The following RFTN2 variants were observed in gnomAD, a reference collection of about 807,000 sequenced individuals.
The protein encoded by RFTN2 is raftlin-2.
A neutral mutation model predicts 52.7 loss-of-function variants in RFTN2; 34 were observed. That is an observed-to-expected ratio of 0.64 (90% confidence interval 0.49 to 0.86). The LOEUF (loss-of-function observed/expected upper bound fraction) is 0.86, where lower values mean the gene tolerates loss of function less well. Among genes scored for constraint, RFTN2 ranks in the 40% least tolerant of loss-of-function variants. The pLI is 0.00. For synonymous variants in RFTN2, 203 were observed against 217.7 expected (o/e 0.93, Z 0.59); for missense variants, 536 against 600.1 (o/e 0.89, Z 1.12).
intron 1 of RFTN2, among the ~76,000 whole-genome samples, chr2:197,666,472 C>A (rs1047115518): frequency 1.3e-5 from 2 of 152,188 alleles, no homozygotes; most frequent in Non-Finnish European, 2.9e-5. Flanking sequence ...TCCATTCTCT[C>A]CTGGCCTGTA....
intron 8 of RFTN2, among the ~76,000 whole-genome samples, chr2:197,589,906 G>T (rs775584799): frequency 5.9e-5 from 9 of 151,856 alleles, no homozygotes; most frequent in African/African-American, 2.4e-5. Flanking sequence ...TTGGTCTTAT[G>T]TCTAAAAACT....
chr2:197,627,984 A>G lies in RFTN2; in HGVS notation c.928+3027T>C, dbSNP rs540927491. 2.7e-5 allele frequency among the ~76,000 whole-genome samples: 4 copies of G among 146,868 alleles called. No homozygotes were observed. In the East Asian group the frequency reaches 8.0e-4, roughly 30 times the overall value. ...GTCTGGTTTTGTTCTTCCATTCCTC[A>G]TGGTGGGCTAACTTCTGACAATATT... On this transcript the variant is annotated intron_variant, in intron 5 of 8. Coordinates refer to ENST00000295049, the MANE Select transcript of RFTN2 (RefSeq NM_144629.3).
In RFTN2 at chr2:197,634,510, C is replaced by T. The variant is rs2088526749; in HGVS notation, c.439-513G>A. On this transcript the variant is annotated intron_variant, in intron 3 of 8. Transcript: ENST00000295049. ...GAATGTGTAGGTATAAAGCACAAGC[C>T]CAATTTATACCACTACTCTTACAAA... 4.6e-5 allele frequency among the ~76,000 whole-genome samples: 7 copies of T among 151,722 alleles called. No homozygotes were observed. In the South Asian group the frequency reaches 1.5e-3, roughly 32 times the overall value.
In RFTN2 at chr2:197,568,380, C is replaced by T. The variant is rs771707693; in HGVS notation, c.*3628G>A. 3 of 152,336 alleles carry T rather than the reference C, an allele frequency of 2.0e-5. No homozygotes were observed. In the East Asian group the frequency reaches 5.8e-4, roughly 29 times the overall value. 9.4% of individuals were successfully genotyped at this position (152,336 alleles called of 1,614,324 possible). ...GAACCTCATCAAAACTGAGGCTCAT[C>T]ATTTTACAGTTTTGCCTAATTTTCT... On this transcript the variant is annotated 3_prime_UTR_variant, in exon 9 of 9. Coordinates refer to ENST00000295049, the MANE Select transcript of RFTN2 (RefSeq NM_144629.3).
chr2:197,615,836 T>C lies in RFTN2; in HGVS notation c.1154+40A>G, dbSNP rs762496015. On this transcript the variant is annotated intron_variant, in intron 7 of 8. Transcript: ENST00000295049. ...CTATCTAACAGATGAAGTTATATAT[T>C]AGAATTAAATGATAGTATGTAAGGA... is the stretch of plus-strand genomic sequence containing the variant. 7.9e-6 allele frequency: 8 copies of C among 1,009,086 alleles called. No homozygotes were observed. The South Asian group carries it at 1.1e-4, about 14-fold the overall frequency. The allele number at this position is 1,009,086 out of a possible 1,614,324, so 62.5% of individuals were successfully genotyped here.
intron 1 of RFTN2, among the ~76,000 whole-genome samples, chr2:197,667,532 G>T (rs1333168091): frequency 6.6e-6 from 1 of 152,100 alleles, no homozygotes; most frequent in African/African-American, 2.4e-5. Context: ...TTCATATGTT[G>T]ATATCTATGC....
intron 5 of RFTN2, among the ~76,000 whole-genome samples, chr2:197,618,814 C>A (rs1274441017): frequency 6.7e-6 from 1 of 148,856 alleles, no homozygotes; most frequent in Admixed American, 6.7e-5. Flanking sequence ...GCCTGGCAAC[C>A]GCCCCGTCTG....
chr2:197,572,410 CT>C (rs1158433449), intron 8 of RFTN2, 130 bp from the exon 9 acceptor site: 9 of 823,316 alleles, frequency 1.1e-5, no homozygotes, highest in Middle Eastern at 3.7e-4. Context: ...TCCTGCTCAT[CT>C]TCAACGACCA....
At chr2:197,596,093 A>T in intron 7 of RFTN2, 24 bp from the exon 8 acceptor site, 1 of 1,389,150 alleles carries the variant, frequency 7.2e-7, no homozygotes. Context: ...CAATAGTATT[A>T]GTATTTGTGA....
At chr2:197,583,188 C>A (rs557256566) in intron 8 of RFTN2, among the ~76,000 whole-genome samples, 1 of 152,176 alleles carries the variant, frequency 6.6e-6, no homozygotes, top group South Asian at 2.1e-4. Flanking sequence ...TATTCTACTA[C>A]CCCTCAGGGA....
chr2:197,605,474 C>CAA (rs909010431), intron 7 of RFTN2, among the ~76,000 whole-genome samples: 13 of 152,164 alleles, frequency 8.5e-5, no homozygotes, highest in Non-Finnish European at 1.8e-4. Context: ...CTTGGCCTCC[C>CAA]AAAGTGCTGA....
At chr2:197,654,162 C>T (rs141872103) in intron 1 of RFTN2, among the ~76,000 whole-genome samples, 1,811 of 151,820 alleles carry the variant, frequency 0.012, 44 homozygotes, top group African/African-American at 0.041. Flanking sequence ...CTGAGGTGGG[C>T]GGATCACTTG....
chr2:197,605,907 T>G (rs765613888), intron 7 of RFTN2, among the ~76,000 whole-genome samples: 6 of 152,204 alleles, frequency 3.9e-5, no homozygotes, highest in Non-Finnish European at 8.8e-5. Flanking sequence ...TCAGACATCA[T>G]GAGCTTCACA....
At chr2:197,627,482 G>A (rs1321839762) in intron 5 of RFTN2, among the ~76,000 whole-genome samples, 2 of 152,174 alleles carry the variant, frequency 1.3e-5, no homozygotes, top group Non-Finnish European at 2.9e-5. Flanking sequence ...ATGGGTCCTG[G>A]CATATATGAA....
chr2:197,606,283 T>A (rs554668073), intron 7 of RFTN2, among the ~76,000 whole-genome samples: 1 of 152,270 alleles, frequency 6.6e-6, no homozygotes, highest in South Asian at 2.1e-4. Flanking sequence ...TGTCTGCCCC[T>A]AGAGTGGGTA....
intron 5 of RFTN2, among the ~76,000 whole-genome samples, chr2:197,629,438 C>T (rs1437364109): frequency 6.6e-6 from 1 of 151,870 alleles, no homozygotes; most frequent in Non-Finnish European, 1.5e-5. Flanking sequence ...CATACTGGGG[C>T]CTGTCATGGG....
chr2:197,583,705 T>G lies in RFTN2; in HGVS notation c.1234-11425A>C, dbSNP rs909296018. ...CAGGTTTGTTACATATGTATACATG[T>G]GCCATGTTGGTGTGCTGCACCCATT... On this transcript the variant is annotated intron_variant, in intron 8 of 8. Coordinates refer to ENST00000295049, the MANE Select transcript of RFTN2 (RefSeq NM_144629.3). 4.7e-4 allele frequency among the ~76,000 whole-genome samples: 71 copies of G among 151,956 alleles called. 1 individual carries two copies. Among genetic ancestry groups the G allele is most frequent in the Admixed American group, 5.2e-4 (8 of 15,246 alleles).
At chr2:197,585,710 G>A (rs1198454021) in intron 8 of RFTN2, among the ~76,000 whole-genome samples, 1 of 151,864 alleles carries the variant, frequency 6.6e-6, no homozygotes, top group Non-Finnish European at 1.5e-5. Context: ...ATACAGACTG[G>A]GCAACATCTC....
At chr2:197,581,978 C>T (rs2087517774) in intron 8 of RFTN2, among the ~76,000 whole-genome samples, 1 of 152,232 alleles carries the variant, frequency 6.6e-6, no homozygotes, top group African/African-American at 2.4e-5. Context: ...ACTAGCTCTC[C>T]CTGACTCATC....
Sources: gnomAD v4.1 joint callset for allele counts (sites outside exome capture counted in the v4.1 genomes callset) on GRCh38, gnomAD v4.1.1 for gene constraint, MANE v1.5 for transcripts, NCBI Gene and HGNC (gene_info 2026-07-23, HGNC 2026-07-21) for gene names.